CCPG1: variants seen among roughly 807,000 people sequenced by gnomAD.
CCPG1 encodes the protein cell cycle progression 1.
CCPG1 carries 46 observed loss-of-function variants against 81.3 expected under a neutral mutation model. That is an observed-to-expected ratio of 0.57 (90% CI 0.45 to 0.72). CCPG1 has a LOEUF of 0.72. Among genes scored for constraint, CCPG1 ranks in the 30% least tolerant of loss-of-function variants. The probability of loss-of-function intolerance (pLI) is 0.00; values close to 1 mark genes in which losing one functional copy is unlikely to be tolerated. For synonymous variants in CCPG1, 330 were observed against 305.2 expected, an observed-to-expected ratio of 1.08 and a Z score of -0.85; for missense variants, 902 against 937.6, an observed-to-expected ratio of 0.96 and a Z score of 0.50.
chr15:55,372,034 A>C lies in CCPG1; in HGVS notation c.465T>G (p.Ser155=). 6.2e-7 allele frequency: 1 copy of C among 1,612,396 alleles called. No individual in the cohort carries two copies. The highest frequency in any genetic ancestry group is 8.5e-7 in the Non-Finnish European group (1 of 1,179,046). ...TACTTGATTCATCGTCACTAGGCTG[A>C]GATGAAAATACTATTAAGAAAAAAG... ...TFCQPETVFS[S]QPSDDESSSD... The change falls in exon 6 of 9, where the codon TCT becomes TCG. Residue 155 remains serine (S), a synonymous_variant. Transcript: ENST00000442196.
intron 3 of CCPG1, among the ~76,000 whole-genome samples, chr15:55,384,957 A>T (rs1176473576): frequency 6.6e-6 from 1 of 152,250 alleles, no homozygotes; most frequent in Admixed American, 6.5e-5. Flanking sequence ...ATGACAAGTA[A>T]ATACAAACTA....
Position 55,390,176 on chromosome 15 carries a change from C to G in CCPG1, c.-9-743G>C, listed in dbSNP as rs529891653. ...TGACCTCGTGATCCGCCTGCCTCAGCCTCCCAAAGTGCTGGGATTACAGGC... is the reference window on the plus strand; with the variant it reads ...TGACCTCGTGATCCGCCTGCCTCAGGCTCCCAAAGTGCTGGGATTACAGGC... On this transcript the variant is annotated intron_variant, in intron 1 of 8. Coordinates refer to ENST00000442196, the MANE Select transcript of CCPG1 (RefSeq NM_001204450.2). Among the ~76,000 whole-genome samples the G allele has an allele frequency of 8.9e-4, 136 of 152,296 alleles. 2 individuals are homozygous for G. Among genetic ancestry groups the G allele is most frequent in the African/African-American group, 3.2e-3 (132 of 41,570 alleles).
chr15:55,364,370 T>C (rs931126992), intron 7 of CCPG1, among the ~76,000 whole-genome samples: 3 of 150,166 alleles, frequency 2.0e-5, no homozygotes, highest in African/African-American at 4.9e-5. Flanking sequence ...TTAGAGAGGC[T>C]ATAAAACCAA....
chr15:55,378,979 A>G (rs2056622441), intron 3 of CCPG1, among the ~76,000 whole-genome samples: 1 of 151,272 alleles, frequency 6.6e-6, no homozygotes, highest in Non-Finnish European at 1.5e-5. Context: ...TTGATCCAGT[A>G]TGTTCATTAA....
At position 55,365,242 on chromosome 15, in the gene CCPG1, C is replaced by T. The variant is rs1456566805; in HGVS notation, c.774G>A (p.Met258Ile). ...RKIHEDELNDMKDYLSQCQQE... is the reference protein window; with the variant it reads ...RKIHEDELNDIKDYLSQCQQE... Reference sequence around the variant, plus strand: ...GTTGACACTGGGAAAGATAATCCTTCATATCATTCAATTCATCTTCATGTA... The same window carrying T: ...GTTGACACTGGGAAAGATAATCCTTTATATCATTCAATTCATCTTCATGTA... Residue 258 changes from methionine to isoleucine, a missense_variant, in exon 7 of 9, where the codon ATG becomes ATA. This residue lies in a region of CCPG1 where 746 missense variants were observed against 728.6 expected (regional missense o/e 1.02). Coordinates refer to ENST00000442196, the MANE Select transcript of CCPG1 (RefSeq NM_001204450.2). The T allele has an allele frequency of 2.0e-6, 3 of 1,511,102 alleles. No homozygotes were observed. The highest frequency in any genetic ancestry group is 4.5e-5 in the East Asian group (2 of 44,050). 93.6% of individuals were successfully genotyped at this position (1,511,102 alleles called of 1,614,324 possible).
At chr15:55,364,991 A>G (rs1237246740) in intron 7 of CCPG1, among the ~76,000 whole-genome samples, 197 bp downstream of exon 7, 2 of 152,234 alleles carry the variant, frequency 1.3e-5, no homozygotes, top group South Asian at 2.1e-4. Flanking sequence ...CTTAATTCAC[A>G]TATTGTGAGA....
At chr15:55,391,507 A>G (rs1005210769) in intron 1 of CCPG1, among the ~76,000 whole-genome samples, 1 of 152,088 alleles carries the variant, frequency 6.6e-6, no homozygotes, top group Non-Finnish European at 1.5e-5. Flanking sequence ...TATTTGTATG[A>G]GAATCATGTT....
intron 3 of CCPG1, among the ~76,000 whole-genome samples, chr15:55,380,702 A>G (rs1005015317): frequency 2.6e-5 from 4 of 152,064 alleles, no homozygotes; most frequent in Admixed American, 2.6e-4. Flanking sequence ...TAGAGGTGAG[A>G]TTCCGCCACA....
rs149657465 is a variant in CCPG1 at position 55,358,637 on chromosome 15, C to A, written c.2234+902G>T. ...TTAAAAACTAAGTTCAGTTCAAAGGCCACCTCACTCAAGAAGCCTTTCCAA... is the reference window on the plus strand; with the variant it reads ...TTAAAAACTAAGTTCAGTTCAAAGGACACCTCACTCAAGAAGCCTTTCCAA... On this transcript the variant is annotated intron_variant, in intron 8 of 8. Coordinates refer to ENST00000442196, the MANE Select transcript of CCPG1 (RefSeq NM_001204450.2). 3.3e-4 allele frequency: 324 copies of A among 985,402 alleles called. 2 individuals are homozygous for A. In the African/African-American group the frequency reaches 5.0e-3, roughly 15 times the overall value. The allele number at this position is 985,402 out of a possible 1,614,324, so 61.0% of individuals were successfully genotyped here.
chr15:55,369,328 G>C (rs1217541046), intron 6 of CCPG1, among the ~76,000 whole-genome samples: 1 of 152,128 alleles, frequency 6.6e-6, no homozygotes, highest in Non-Finnish European at 1.5e-5. Context: ...CTGAGGTCAG[G>C]AGTTCGAGAC....
chr15:55,358,217 G>T, intron 8 of CCPG1: 1 of 281,094 alleles, frequency 3.6e-6, no homozygotes, highest in Non-Finnish European at 5.4e-6. Flanking sequence ...AGATTGGTAA[G>T]ATCTATAGTA....
intron 2 of CCPG1, among the ~76,000 whole-genome samples, chr15:55,389,068 C>CAAA (rs373917631): frequency 1.6e-4 from 9 of 56,270 alleles, no homozygotes; most frequent in South Asian, 1.6e-3. Context: ...GACTCTGTCT[C>CAAA]AAAAAAAAAA....
intron 5 of CCPG1, among the ~76,000 whole-genome samples, chr15:55,373,877 T>A (rs919921860): frequency 1.3e-5 from 2 of 152,228 alleles, no homozygotes; most frequent in African/African-American, 4.8e-5. Flanking sequence ...CATTAATATA[T>A]TCATGTCCTT....
In CCPG1 at chr15:55,360,088, G is replaced by C; in HGVS notation, c.1685C>G (p.Pro562Arg). ...FGATKEAAEK[P>R]RTVFSDYLHP... ...TAAATAGTCACTAAAAACTGTTCTT[G>C]GTTTTTCAGCTGCTTCTTTTGTAGC... Residue 562 changes from proline (P) to arginine (R), a missense_variant, in exon 8 of 9, where the codon CCA becomes CGA. By Grantham distance (103) the Pro-to-Arg change is moderately radical (BLOSUM62 -2). Coordinates refer to ENST00000442196, the MANE Select transcript of CCPG1 (RefSeq NM_001204450.2). 6.2e-7 allele frequency: 1 copy of C among 1,613,302 alleles called. No homozygotes were observed. Among genetic ancestry groups the C allele is most frequent in the Non-Finnish European group, 8.5e-7 (1 of 1,179,742 alleles).
At chr15:55,382,743 T>G (rs1265720954) in intron 3 of CCPG1, among the ~76,000 whole-genome samples, 1 of 152,084 alleles carries the variant, frequency 6.6e-6, no homozygotes, top group Non-Finnish European at 1.5e-5. Flanking sequence ...TCTCCTGACC[T>G]CATGATCCGC....
At chr15:55,375,415 C>T (rs1211510977) in intron 5 of CCPG1, among the ~76,000 whole-genome samples, 2 of 151,968 alleles carry the variant, frequency 1.3e-5, no homozygotes, top group Non-Finnish European at 2.9e-5. Context: ...GGGGAAACTA[C>T]CTGAATACAA....
intron 7 of CCPG1, 22 bp downstream of exon 7, chr15:55,365,166 A>C (rs1054025024): frequency 3.0e-6 from 4 of 1,337,226 alleles, no homozygotes; most frequent in African/African-American, 3.0e-5. Context: ...CAATTATTTT[A>C]AATACTGTTA....
At chr15:55,388,259 GAGTAAGTATA>G (rs2056843618) in intron 2 of CCPG1, among the ~76,000 whole-genome samples, 41 of 152,114 alleles carry the variant, frequency 2.7e-4, no homozygotes, top group Admixed American at 2.6e-3. Flanking sequence ...GTAAAACCTG[GAGTAAGTATA>G]TTTCTGTTTA....
At chr15:55,386,354 C>G (rs944497162) in intron 2 of CCPG1, among the ~76,000 whole-genome samples, 2 of 152,146 alleles carry the variant, frequency 1.3e-5, no homozygotes, top group Non-Finnish European at 2.9e-5. Context: ...GAATACTCTC[C>G]TCACACAATT....
Sources: gnomAD v4.1 joint callset for allele counts (sites outside exome capture counted in the v4.1 genomes callset) on GRCh38, gnomAD v4.1.1 for gene constraint, gnomAD v4.1.1 regional missense constraint, MANE v1.5 for transcripts, NCBI Gene and HGNC (gene_info 2026-07-23, HGNC 2026-07-21) for gene names.